DYRK1A: variants seen among roughly 807,000 people sequenced by gnomAD.
DYRK1A encodes dual specificity tyrosine phosphorylation regulated kinase 1A.
In DYRK1A, 9 loss-of-function variants were observed where a neutral mutation model predicts 79.7. That is an observed-to-expected ratio of 0.11 (90% CI 0.07 to 0.20). DYRK1A has a LOEUF of 0.20. DYRK1A is among the 10% of genes least tolerant of loss of function. The pLI, the probability that DYRK1A is intolerant of heterozygous loss-of-function variation, is 1.00. For missense variants in DYRK1A, 622 were observed against 956.0 expected (o/e 0.65, Z 4.61); for synonymous variants, 349 against 329.7 (o/e 1.06, Z -0.63).
rs2053953449 is a variant in DYRK1A, at chr21:37,524,179, A to G, written c.*11648A>G. On this transcript the variant is annotated 3_prime_UTR_variant, in exon 12 of 12. Coordinates refer to ENST00000647188, the MANE Select transcript of DYRK1A (RefSeq NM_001347721.2). Reference sequence around the variant, plus strand: ...GCAGTGGCTCATGCCTGTAATCCCAACGATTTGGGTGGCTGAGGTGGGAGA... The same window carrying G: ...GCAGTGGCTCATGCCTGTAATCCCAGCGATTTGGGTGGCTGAGGTGGGAGA... 6.6e-6 allele frequency: 1 copy of G among 152,112 alleles called. No individual in the cohort carries two copies. 9.4% of individuals were successfully genotyped at this position (152,112 alleles called of 1,614,324 possible). A position where few individuals can be genotyped will look rare whatever the true frequency, so the allele number is the denominator to read the frequency against.
At chr21:37,433,696 G>A (rs1264079775) in intron 2 of DYRK1A, among the ~76,000 whole-genome samples, 6 of 152,136 alleles carry the variant, frequency 3.9e-5, no homozygotes, top group East Asian at 1.9e-4. Context: ...GCCTTGACTC[G>A]TAGTGTGTAG....
chr21:37,469,719 G>A (rs564523794), intron 2 of DYRK1A, among the ~76,000 whole-genome samples: 4 of 152,108 alleles, frequency 2.6e-5, no homozygotes, highest in South Asian at 4.1e-4. Context: ...CTCTTATCAC[G>A]AGGATAGCAC....
At chr21:37,419,340 G>C (rs762882349) in intron 1 of DYRK1A, 1 of 152,164 alleles carries the variant, frequency 6.6e-6, no homozygotes, top group Non-Finnish European at 1.5e-5. Context: ...TGGAGGCATT[G>C]GGAATTGAGA....
At chr21:37,456,471 G>A (rs968904298) in intron 2 of DYRK1A, among the ~76,000 whole-genome samples, 3 of 152,142 alleles carry the variant, frequency 2.0e-5, no homozygotes, top group Admixed American at 6.5e-5. Flanking sequence ...CCACCCCTTT[G>A]CCAGTTTACA....
chr21:37,379,246 G>A (rs1602364997), intron 1 of DYRK1A, among the ~76,000 whole-genome samples: 1 of 152,022 alleles, frequency 6.6e-6, no homozygotes, highest in African/African-American at 2.4e-5. Context: ...GGTTTGGAAG[G>A]CAGGACCATT....
chr21:37,424,231 C>A (rs1027616042), intron 2 of DYRK1A, among the ~76,000 whole-genome samples: 1 of 152,052 alleles, frequency 6.6e-6, no homozygotes, highest in African/African-American at 2.4e-5. Context: ...CATGTCTCAA[C>A]CCAAGCAGTT....
intron 2 of DYRK1A, among the ~76,000 whole-genome samples, chr21:37,447,223 G>A (rs2051302329): frequency 6.6e-6 from 1 of 151,950 alleles, no homozygotes; most frequent in Non-Finnish European, 1.5e-5. Context: ...CTAAAGATTT[G>A]TCAGTGAATG....
At chr21:37,377,211 C>T (rs975085049) in intron 1 of DYRK1A, among the ~76,000 whole-genome samples, 1 of 152,210 alleles carries the variant, frequency 6.6e-6, no homozygotes, top group African/African-American at 2.4e-5. Flanking sequence ...GCTCCGCCTC[C>T]TGGGTTTACG....
At chr21:37,507,856 C>G (rs1260589752) in intron 11 of DYRK1A, among the ~76,000 whole-genome samples, 1 of 152,148 alleles carries the variant, frequency 6.6e-6, no homozygotes, top group African/African-American at 2.4e-5. Context: ...GCTCCTAAGT[C>G]TTGACTTCTG....
rs573901237 is a variant in DYRK1A, at chr21:37,392,242, C to T, written c.-77+24614C>T. On this transcript the variant is annotated intron_variant, in intron 1 of 11. Transcript: ENST00000647188. ...TGATTTTGGGGCAAGTCTTCTGTAA[C>T]CTGACGTACTCATCTCAGATGTCAT... 6.8e-4 allele frequency among the ~76,000 whole-genome samples: 103 copies of T among 152,274 alleles called. 1 individual carries two copies. Among genetic ancestry groups the T allele is most frequent in the African/African-American group, 2.4e-3 (100 of 41,560 alleles).
intron 4 of DYRK1A, among the ~76,000 whole-genome samples, chr21:37,479,606 G>GTGTTTT (rs2052537355): frequency 7.2e-5 from 2 of 27,594 alleles, no homozygotes; most frequent in Admixed American, 4.3e-4. Context: ...TTTTGTTTTT[G>GTGTTTT]TTTTTGTTTT....
chr21:37,505,707 T>A, intron 10 of DYRK1A, 118 bp downstream of exon 10: 1 of 1,124,898 alleles, frequency 8.9e-7, no homozygotes, highest in Non-Finnish European at 1.2e-6. Flanking sequence ...TTACTTTACT[T>A]AAATCTGTTC....
intron 2 of DYRK1A, among the ~76,000 whole-genome samples, chr21:37,446,947 T>G (rs917009336): frequency 3.9e-5 from 6 of 152,068 alleles, no homozygotes; most frequent in Non-Finnish European, 8.8e-5. Flanking sequence ...GAATCCCCAC[T>G]CTCCTGATTG....
chr21:37,468,360 G>A (rs1426615986), intron 2 of DYRK1A, among the ~76,000 whole-genome samples: 1 of 151,982 alleles, frequency 6.6e-6, no homozygotes, highest in Non-Finnish European at 1.5e-5. Context: ...TCCCGCCTTG[G>A]CCTCCCAAAG....
intron 1 of DYRK1A, among the ~76,000 whole-genome samples, chr21:37,387,954 TATA>T (rs1188323121): frequency 2.0e-5 from 3 of 152,130 alleles, no homozygotes; most frequent in Non-Finnish European, 4.4e-5. Flanking sequence ...AGGTAGAAAA[TATA>T]ATGAGCTCCT....
At chr21:37,483,373 G>A (rs2052727241) in intron 5 of DYRK1A, among the ~76,000 whole-genome samples, 1 of 152,180 alleles carries the variant, frequency 6.6e-6, no homozygotes, top group Non-Finnish European at 1.5e-5. Flanking sequence ...AAATAAACGT[G>A]TAAGCAAATA....
chr21:37,420,789 G>A (rs571860985), intron 2 of DYRK1A, among the ~76,000 whole-genome samples: 2 of 152,034 alleles, frequency 1.3e-5, no homozygotes, highest in Admixed American at 6.6e-5. Flanking sequence ...ACAAGTTAAG[G>A]ATATTATACC....
chr21:37,377,957 A>C (rs1430102933), intron 1 of DYRK1A, among the ~76,000 whole-genome samples: 1 of 152,234 alleles, frequency 6.6e-6, no homozygotes. Context: ...TTCACCAGGT[A>C]TATGGATATT....
chr21:37,415,291 T>C (rs2148419564), intron 1 of DYRK1A, among the ~76,000 whole-genome samples: 1 of 152,298 alleles, frequency 6.6e-6, no homozygotes, highest in South Asian at 2.1e-4. Flanking sequence ...GCTTCTAGCC[T>C]CTTTAACACA....
Sources: gnomAD v4.1 joint callset for allele counts (sites outside exome capture counted in the v4.1 genomes callset) on GRCh38, gnomAD v4.1.1 for gene constraint, MANE v1.5 for transcripts, NCBI Gene and HGNC (gene_info 2026-07-23, HGNC 2026-07-21) for gene names.